Variants in CDC7 observed in about 807,000 individuals in gnomAD.
CDC7 encodes cell division cycle 7-related protein kinase.
CDC7 carries 34 observed loss-of-function variants against 53.5 expected under a neutral mutation model. The observed-to-expected ratio is 0.64, with a 90% CI of 0.48 to 0.85. The LOEUF (loss-of-function observed/expected upper bound fraction) is 0.85. Among genes scored for constraint, CDC7 ranks in the 40% least tolerant of loss-of-function variants. The pLI is 0.00. For missense variants in CDC7, 594 were observed against 679.7 expected, an observed-to-expected ratio of 0.87 and a Z score of 1.40; for synonymous variants, 211 against 222.8, an observed-to-expected ratio of 0.95 and a Z score of 0.47.
chr1:91,501,058 T>G (rs1666633816), intron 1 of CDC7, 110 bp downstream of exon 1: 1 of 152,198 alleles, frequency 6.6e-6, no homozygotes, highest in Non-Finnish European at 1.5e-5. Context: ...CCGCCCCCCT[T>G]CGGATCCCTC....
chr1:91,506,355 T>A (rs1221621340), intron 2 of CDC7, among the ~76,000 whole-genome samples: 1 of 152,072 alleles, frequency 6.6e-6, no homozygotes, highest in East Asian at 1.9e-4. Context: ...CCAAGCCTTT[T>A]TTTTTTCTTG....
chr1:91,513,428 G>C (rs1667394901), intron 7 of CDC7, 121 bp downstream of exon 7: 2 of 736,968 alleles, frequency 2.7e-6, no homozygotes, highest in Non-Finnish European at 4.3e-6. Context: ...TTTTGCATTT[G>C]TTATATGTAT....
chr1:91,514,083 A>G (rs1667426208), intron 8 of CDC7, 40 bp downstream of exon 8: 1 of 1,299,608 alleles, frequency 7.7e-7, no homozygotes, highest in Admixed American at 1.7e-5. Context: ...TCAGTCAGTC[A>G]TACACTGAAG....
chr1:91,507,984 AT>A lies in CDC7; in HGVS notation c.199+49del, dbSNP rs536656601. 3,584 of 1,490,578 alleles carry A rather than the reference AT, an allele frequency of 2.4e-3. 9 individuals carry two copies. Among genetic ancestry groups the A allele is most frequent in the Admixed American group, 3.7e-3 (153 of 41,614 alleles). 92.3% of individuals were successfully genotyped at this position (1,490,578 alleles called of 1,614,324 possible). A position where few individuals can be genotyped will look rare whatever the true frequency, so the allele number is the denominator to read the frequency against. ...ACTATTTTTACGAGGTCTTTTTTCC[AT>A]TCTATTTTCCTTTTTTAGTCTTGGT... On this transcript the variant is annotated intron_variant, in intron 3 of 11. Transcript: ENST00000234626.
rs1167998014 is a variant in CDC7 at position 91,524,866 on chromosome 1, T to C, written c.*431T>C. The C allele has an allele frequency of 6.6e-6, 1 of 151,658 alleles. No homozygotes were observed. The highest frequency in any genetic ancestry group is 1.4e-5 in the Non-Finnish European group (1 of 69,124). 9.4% of individuals were successfully genotyped at this position (151,658 alleles called of 1,614,324 possible). ...TTGGGGAAACTCAACCTGGTGCTGG[T>C]GCTCTTAACAATTTTGTAAATAAAG... is the stretch of plus-strand genomic sequence containing the variant. On this transcript the variant is annotated 3_prime_UTR_variant, in exon 12 of 12. Coordinates refer to ENST00000234626, the MANE Select transcript of CDC7 (RefSeq NM_003503.4).
In CDC7 at chr1:91,518,093, C is replaced by CAAAAAAAAAAAA. The variant is rs55787737; in HGVS notation, c.1181-2025_1181-2014dup. On this transcript the variant is annotated intron_variant, in intron 10 of 11. Transcript: ENST00000234626. The stretch of plus-strand genomic sequence containing the variant: ...TGAGCAACAGAGTGAGACTCAGTCT[C>CAAAAAAAAAAAA]AAAAAAAAAAAAAAAAAAAAAAAGG... Among the ~76,000 whole-genome samples, 22 of 46,024 alleles carry CAAAAAAAAAAAA rather than the reference C, an allele frequency of 4.8e-4. 2 individuals are homozygous for CAAAAAAAAAAAA. The highest frequency in any genetic ancestry group is 1.2e-3 in the African/African-American group (13 of 11,286). The allele number at this position is 46,024 out of a possible 152,430, so 30.2% of individuals were successfully genotyped here. A position where few individuals can be genotyped will look rare whatever the true frequency, so the allele number is the denominator to read the frequency against.
intron 11 of CDC7, among the ~76,000 whole-genome samples, chr1:91,521,121 G>A (rs1667922374): frequency 6.6e-6 from 1 of 152,226 alleles, no homozygotes. Context: ...TACCTCAAGA[G>A]TAGCTGGGCT....
chr1:91,510,181 C>T (rs1234874472), intron 4 of CDC7, among the ~76,000 whole-genome samples: 4 of 151,628 alleles, frequency 2.6e-5, no homozygotes, highest in Non-Finnish European at 5.9e-5. Context: ...CTCCATTGCA[C>T]TCCATCCAGC....
rs1300915900 is a variant in CDC7, at chr1:91,525,243, C to G, written c.*808C>G. 1 of 152,002 alleles carries G rather than the reference C, an allele frequency of 6.6e-6. No individual in the cohort carries two copies. The highest frequency in any genetic ancestry group is 1.5e-5 in the Non-Finnish European group (1 of 67,962). 9.4% of individuals were successfully genotyped at this position (152,002 alleles called of 1,614,324 possible). On this transcript the variant is annotated 3_prime_UTR_variant, in exon 12 of 12. Coordinates refer to ENST00000234626, the MANE Select transcript of CDC7 (RefSeq NM_003503.4). ...AGGACCAAGGTGAAGATTGATAGTC[C>G]AAATGCTTTTCTTTTTTGAGTTGTA...
chr1:91,520,256 C>T lies in CDC7; in HGVS notation c.1307C>T (p.Thr436Ile), dbSNP rs141555013. ...QIMTIRGSRE[T>I]IQAAKTFGKS... ...ATGACAATTAGGGGATCCAGAGAAA[C>T]TATCCAAGCTGCTAAAACTTTTGGT... The change falls in exon 11 of 12, where the codon ACT becomes ATT. Residue 436 changes from threonine (T) to isoleucine (I), a missense_variant. Physicochemically the swap from Thr to Ile is moderately conservative, Grantham distance 89. Coordinates refer to ENST00000234626, the MANE Select transcript of CDC7 (RefSeq NM_003503.4). The T allele has an allele frequency of 1.0e-4, 161 of 1,600,762 alleles. No homozygotes were observed. Among genetic ancestry groups the T allele is most frequent in the Non-Finnish European group, 1.3e-4 (151 of 1,175,038 alleles).
intron 11 of CDC7, among the ~76,000 whole-genome samples, 165 bp downstream of exon 11, chr1:91,520,444 C>A (rs1263779148): frequency 6.6e-6 from 1 of 152,082 alleles, no homozygotes. Context: ...ATAAATTTAT[C>A]ACCTCTCTAT....
At chr1:91,501,402 C>A in intron 1 of CDC7, 1 of 287,850 alleles carries the variant, frequency 3.5e-6, no homozygotes, top group African/African-American at 2.2e-5. Flanking sequence ...GCAGCCTCGC[C>A]GTTTCCCACT....
At chr1:91,513,427 T>G in intron 7 of CDC7, 120 bp downstream of exon 7, 5 of 746,302 alleles carry the variant, frequency 6.7e-6, no homozygotes, top group Non-Finnish European at 8.5e-6. Context: ...TTTTTGCATT[T>G]GTTATATGTA....
chr1:91,504,567 T>A (rs1261286586), intron 2 of CDC7, among the ~76,000 whole-genome samples: 1 of 152,232 alleles, frequency 6.6e-6, no homozygotes, highest in Non-Finnish European at 1.5e-5. Flanking sequence ...TTCTGTTTGC[T>A]ACAATGACAC....
chr1:91,519,192 C>T (rs1205953952), intron 10 of CDC7, among the ~76,000 whole-genome samples: 1 of 146,360 alleles, frequency 6.8e-6, no homozygotes, highest in Non-Finnish European at 1.5e-5. Flanking sequence ...AGGCAGATCA[C>T]TTGAGCCCAG....
At chr1:91,518,751 GT>G (rs1449948881) in intron 10 of CDC7, among the ~76,000 whole-genome samples, 1 of 152,092 alleles carries the variant, frequency 6.6e-6, no homozygotes, top group African/African-American at 2.4e-5. Flanking sequence ...GTGGGAGGGT[GT>G]GGGGGATGTG....
intron 2 of CDC7, among the ~76,000 whole-genome samples, chr1:91,505,939 A>C (rs1332694074): frequency 6.6e-6 from 1 of 152,062 alleles, no homozygotes; most frequent in Non-Finnish European, 1.5e-5. Context: ...TCTGCTTAAA[A>C]ACTTCCTATA....
At position 91,514,013 on chromosome 1, in the gene CDC7, C is replaced by T. The variant is rs2102369314; in HGVS notation, c.888C>T (p.Ser296=). ...GAGAAAGAAATTTCAATATACACAGCTCCATTTCACATGAGAGCCCTGCAG... is the reference window on the plus strand; with the variant it reads ...GAGAAAGAAATTTCAATATACACAGTTCCATTTCACATGAGAGCCCTGCAG... ...VFGERNFNIH[S]SISHESPAVK... The change falls in exon 8 of 12, where the codon AGC becomes AGT. Residue 296 remains serine (S), a synonymous_variant. Transcript: ENST00000234626. 6.2e-7 allele frequency: 1 copy of T among 1,611,798 alleles called. No individual in the cohort carries two copies. The highest frequency in any genetic ancestry group is 8.5e-7 in the Non-Finnish European group (1 of 1,178,280).
intron 3 of CDC7, 99 bp from the exon 4 acceptor site, chr1:91,508,163 T>C: frequency 4.4e-6 from 4 of 904,040 alleles, no homozygotes; most frequent in Non-Finnish European, 6.6e-6. Context: ...TGTTTTAATG[T>C]ATTATGCCAT....
Sources: gnomAD v4.1 joint callset for allele counts (sites outside exome capture counted in the v4.1 genomes callset) on GRCh38, gnomAD v4.1.1 for gene constraint, MANE v1.5 for transcripts, NCBI Gene and HGNC (gene_info 2026-07-23, HGNC 2026-07-21) for gene names.